TBC1D16: variants seen among roughly 807,000 people sequenced by gnomAD.
TBC1D16 encodes the protein CTD-2529O21.1.
In TBC1D16, 58 loss-of-function variants were observed where a neutral mutation model predicts 74.7. The ratio of observed to expected loss-of-function variants is 0.78; its 90% confidence interval spans 0.63 to 0.97. The LOEUF (loss-of-function observed/expected upper bound fraction) is 0.97. Among genes scored for constraint, TBC1D16 ranks in the 50% least tolerant of loss-of-function variants. TBC1D16 has a pLI of 0.00. For synonymous variants in TBC1D16, 493 were observed against 474.7 expected, an observed-to-expected ratio of 1.04 and a Z score of -0.50; for missense variants, 1,014 against 1,079.5, an observed-to-expected ratio of 0.94 and a Z score of 0.85.
At chr17:79,952,364 C>T (rs1322024640) in intron 4 of TBC1D16, among the ~76,000 whole-genome samples, 2 of 152,258 alleles carry the variant, frequency 1.3e-5, no homozygotes, top group Non-Finnish European at 2.9e-5. Context: ...CTGCTACCCT[C>T]TGCCCTGGTT....
At chr17:79,947,616 T>C (rs377229754) in intron 9 of TBC1D16, 29 bp downstream of exon 9, 6 of 1,611,550 alleles carry the variant, frequency 3.7e-6, no homozygotes, top group East Asian at 2.2e-5. Context: ...TCACATGCCC[T>C]TGGACGCACC....
In TBC1D16 at chr17:80,033,916, G is replaced by A. The variant is rs571485216; in HGVS notation, c.-63+1879C>T. Among the ~76,000 whole-genome samples the A allele has an allele frequency of 3.0e-4, 45 of 152,284 alleles. No homozygotes were observed. In the South Asian group the frequency reaches 8.5e-3, roughly 29 times the overall value. On this transcript the variant is annotated intron_variant, in intron 1 of 11. Coordinates refer to ENST00000310924, the MANE Select transcript of TBC1D16 (RefSeq NM_019020.4). ...GGAAGAATGTTTGTATATGAATGGTGGGCACCCTCTGTAAGACAGAGGGCA... is the reference window on the plus strand; with the variant it reads ...GGAAGAATGTTTGTATATGAATGGTAGGCACCCTCTGTAAGACAGAGGGCA...
intron 8 of TBC1D16, among the ~76,000 whole-genome samples, chr17:79,948,064 A>G: frequency 6.6e-6 from 1 of 152,180 alleles, no homozygotes; most frequent in South Asian, 2.1e-4. Context: ...CAATCCCAGC[A>G]CTTTGGGAGG....
intron 3 of TBC1D16, among the ~76,000 whole-genome samples, chr17:79,963,452 C>T (rs1375492828): frequency 2.0e-5 from 3 of 152,114 alleles, no homozygotes; most frequent in Non-Finnish European, 2.9e-5. Context: ...AATAATATTC[C>T]ATTGTACGGA....
At chr17:80,023,663 C>CT (rs982002485) in intron 1 of TBC1D16, among the ~76,000 whole-genome samples, 15 of 142,996 alleles carry the variant, frequency 1.0e-4, no homozygotes, top group Admixed American at 1.4e-4. Context: ...CCGGGCCCCC[C>CT]CCCACCGGCT....
intron 2 of TBC1D16, among the ~76,000 whole-genome samples, chr17:80,012,620 A>C (rs1336238914): frequency 6.6e-6 from 1 of 151,912 alleles, no homozygotes; most frequent in African/African-American, 2.4e-5. Context: ...TCTGTTGCCC[A>C]GGCTGGTCTC....
intron 8 of TBC1D16, 134 bp from the exon 9 acceptor site, chr17:79,947,965 C>A: frequency 4.3e-6 from 3 of 705,502 alleles, no homozygotes; most frequent in Non-Finnish European, 7.0e-6. Context: ...GCTGTGCCAC[C>A]ATCTCAGAGC....
rs776860171 is a variant in TBC1D16 at position 80,010,401 on chromosome 17, C to T, written c.538G>A (p.Ala180Thr). The change falls in exon 3 of 12, where the codon GCT becomes ACT. Residue 180 changes from alanine to threonine, a missense_variant. Transcript: ENST00000310924. This position sits in a 1 kb window ranked among gnomAD's most constrained non-coding sequence, Gnocchi z 8.8. Reference protein sequence around the residue: ...VDGAQPASQPACSPSGILSTV... With the variant: ...VDGAQPASQPTCSPSGILSTV... ...GACAAGATCCCGGAGGGGCTGCAAG[C>T]AGGCTGCGAGGCTGGCTGGGCACCA... 1.9e-6 allele frequency: 3 copies of T among 1,611,684 alleles called. No homozygotes were observed. In the South Asian group the frequency reaches 3.3e-5, roughly 18 times the overall value.
chr17:79,962,679 A>G (rs1001030958), intron 3 of TBC1D16, among the ~76,000 whole-genome samples: 2 of 151,998 alleles, frequency 1.3e-5, no homozygotes, highest in African/African-American at 4.8e-5. Flanking sequence ...CATGCCTGTA[A>G]TTCCAGCACT....
intron 1 of TBC1D16, among the ~76,000 whole-genome samples, chr17:80,016,131 G>A (rs181301271): frequency 1.4e-4 from 21 of 152,042 alleles, no homozygotes; most frequent in Admixed American, 3.9e-4. Flanking sequence ...GATGAACCCC[G>A]AAAACATTGC....
rs1336113664 is a variant in TBC1D16, at chr17:80,023,301, G to T, written c.-62-9692C>A. On this transcript the variant is annotated intron_variant, in intron 1 of 11. Coordinates refer to ENST00000310924, the MANE Select transcript of TBC1D16 (RefSeq NM_019020.4). ...GCTCCCCTCCCCTTTATGGGCAGGC[G>T]GCCCTCCAGGGGTATTGCGAACGGG... Among the ~76,000 whole-genome samples the T allele has an allele frequency of 1.3e-5, 2 of 149,864 alleles. 1 individual carries two copies. Among genetic ancestry groups the T allele is most frequent in the African/African-American group, 5.1e-5 (2 of 39,284 alleles).
Position 79,996,207 on chromosome 17 carries a change from G to A in TBC1D16, c.779+13953C>T, listed in dbSNP as rs762068953. The stretch of plus-strand genomic sequence containing the variant: ...TACCTGTCACTAGAACAATATTATC[G>A]CTTCTGGTTGCCACAATAAATCATA... On this transcript the variant is annotated intron_variant, in intron 3 of 11. Coordinates refer to ENST00000310924, the MANE Select transcript of TBC1D16 (RefSeq NM_019020.4). 1.4e-4 allele frequency among the ~76,000 whole-genome samples: 22 copies of A among 152,198 alleles called. 1 individual carries two copies. The highest frequency in any genetic ancestry group is 3.6e-4 in the African/African-American group (15 of 41,516).
intron 3 of TBC1D16, among the ~76,000 whole-genome samples, chr17:79,973,544 C>T (rs1257118522): frequency 1.3e-5 from 2 of 152,026 alleles, no homozygotes; most frequent in Non-Finnish European, 2.9e-5. Flanking sequence ...CCCGTTTCTA[C>T]TAAAAATACA....
At position 79,945,089 on chromosome 17, in the gene TBC1D16, TG is replaced by T. The variant is rs2032405177; in HGVS notation, c.1729-3del. The T allele has an allele frequency of 1.9e-6, 3 of 1,577,104 alleles. No homozygotes were observed. Among genetic ancestry groups the T allele is most frequent in the East Asian group, 2.3e-5 (1 of 43,504 alleles). On this transcript the variant is annotated splice_polypyrimidine_tract_variant and splice_region_variant and intron_variant, in intron 9 of 11. Coordinates refer to ENST00000310924, the MANE Select transcript of TBC1D16 (RefSeq NM_019020.4). Reference sequence around the variant, plus strand: ...CCGCAGCAGCTCGCGCAGGTACAGCTGGGGGTGAGGCCGTCACGCGTTAGTT... The same window carrying T: ...CCGCAGCAGCTCGCGCAGGTACAGCTGGGGTGAGGCCGTCACGCGTTAGTT...
In TBC1D16 at chr17:80,010,394, C is replaced by T. The variant is rs747537940; in HGVS notation, c.545G>A (p.Ser182Asn). Residue 182 changes from serine to asparagine, a missense_variant, in exon 3 of 12, where the codon AGC becomes AAC. Transcript: ENST00000310924. This position sits in a 1 kb window ranked among gnomAD's most constrained non-coding sequence, Gnocchi z 8.8. ...GACCGTCGACAAGATCCCGGAGGGG[C>T]TGCAAGCAGGCTGCGAGGCTGGCTG... ...GAQPASQPAC[S>N]PSGILSTVSP... 8.7e-6 allele frequency: 14 copies of T among 1,611,874 alleles called. No individual in the cohort carries two copies. The African/African-American group carries it at 1.9e-4, about 22-fold the overall frequency.
Position 79,986,301 on chromosome 17 carries a change from T to C in TBC1D16, c.779+23859A>G, listed in dbSNP as rs2034831467. On this transcript the variant is annotated intron_variant, in intron 3 of 11. Coordinates refer to ENST00000310924, the MANE Select transcript of TBC1D16 (RefSeq NM_019020.4). The surrounding 1 kb of genome is among the most constrained non-coding windows in gnomAD (Gnocchi z 6.0). ...TCTTGGACTTGGGGCCCCAGGTCTA[T>C]ATCCCAAGGCCACGTTCGCTTCATA... 6.6e-6 allele frequency among the ~76,000 whole-genome samples: 1 copy of C among 152,214 alleles called. No individual in the cohort carries two copies. Among genetic ancestry groups the C allele is most frequent in the Non-Finnish European group, 1.5e-5 (1 of 68,034 alleles).
At chr17:79,943,940 T>C (rs549402344) in intron 10 of TBC1D16, 275 of 1,470,684 alleles carry the variant, frequency 1.9e-4, no homozygotes, top group Admixed American at 1.5e-3. Context: ...CATGCCGTGC[T>C]TCCCTTCGTT....
rs142875016 is a variant in TBC1D16 at position 79,979,176 on chromosome 17, G to A, written c.780-26358C>T. On this transcript the variant is annotated intron_variant, in intron 3 of 11. Coordinates refer to ENST00000310924, the MANE Select transcript of TBC1D16 (RefSeq NM_019020.4). The surrounding 1 kb of genome is among the most constrained non-coding windows in gnomAD (Gnocchi z 4.8). ...TCTGCCCAACCTAGGGAAAGGAGGA[G>A]CCATAGGAGCTGGGCAGGGAAGGCC... is the stretch of plus-strand genomic sequence containing the variant. Among the ~76,000 whole-genome samples the A allele has an allele frequency of 3.3e-5, 5 of 152,316 alleles. No individual in the cohort carries two copies. The highest frequency in any genetic ancestry group is 1.3e-4 in the Admixed American group (2 of 15,304).
chr17:80,010,282 G>A lies in TBC1D16; in HGVS notation c.657C>T (p.Gly219=), dbSNP rs1225337187. Residue 219 remains glycine, a synonymous_variant, in exon 3 of 12, where the codon GGC becomes GGT. Transcript: ENST00000310924. The surrounding 1 kb of genome is among the most constrained non-coding windows in gnomAD (Gnocchi z 8.8). ...AGTCAAAGGAGCTGTCTCTGCTCAC[G>A]CCCTCGGCTGACAGTTCCAAAGAGC... is the stretch of plus-strand genomic sequence containing the variant. The part of the protein sequence containing the change: ...EDGSLELSAE[G]VSRDSSFDSD... The A allele has an allele frequency of 5.6e-6, 9 of 1,612,904 alleles. No homozygotes were observed. Among genetic ancestry groups the A allele is most frequent in the African/African-American group, 1.3e-5 (1 of 74,886 alleles).
Sources: gnomAD v4.1 joint callset for allele counts (sites outside exome capture counted in the v4.1 genomes callset) on GRCh38, gnomAD v4.1.1 for gene constraint, Gnocchi (gnomAD v3.1) non-coding constraint, MANE v1.5 for transcripts, NCBI Gene and HGNC (gene_info 2026-07-23, HGNC 2026-07-21) for gene names.